SEMA6D: variants seen among roughly 807,000 people sequenced by gnomAD.
SEMA6D encodes semaphorin 6D.
In SEMA6D, 35 loss-of-function variants were observed where a neutral mutation model predicts 106.6. The ratio of observed to expected loss-of-function variants is 0.33; its 90% confidence interval spans 0.25 to 0.44. The LOEUF is 0.44. SEMA6D is among the 20% of genes least tolerant of loss of function. The pLI, the probability that SEMA6D is intolerant of heterozygous loss-of-function variation, is 1.00. For missense variants in SEMA6D, 1,185 were observed against 1,345.9 expected, an observed-to-expected ratio of 0.88 and a Z score of 1.87; for synonymous variants, 499 against 487.7, an observed-to-expected ratio of 1.02 and a Z score of -0.31.
chr15:47,206,743 A>C (rs1444542726), intron 1 of SEMA6D, among the ~76,000 whole-genome samples: 2 of 152,016 alleles, frequency 1.3e-5, no homozygotes, highest in Non-Finnish European at 2.9e-5. Context: ...CCTCAGCTCT[A>C]CAGTATGAAT....
At chr15:47,417,409 G>A (rs1403116425) in intron 2 of SEMA6D, among the ~76,000 whole-genome samples, 2 of 108,786 alleles carry the variant, frequency 1.8e-5, no homozygotes, top group African/African-American at 7.1e-5. Context: ...CTGTGTGTGT[G>A]TATATGTGTG....
At chr15:47,496,769 A>T (rs2043676261) in intron 3 of SEMA6D, among the ~76,000 whole-genome samples, 1 of 151,932 alleles carries the variant, frequency 6.6e-6, no homozygotes, top group African/African-American at 2.4e-5. Context: ...CATTCTAGTG[A>T]TGATGATTCA....
intron 1 of SEMA6D, among the ~76,000 whole-genome samples, chr15:47,300,869 A>G (rs1203877424): frequency 6.6e-6 from 1 of 152,202 alleles, no homozygotes; most frequent in Non-Finnish European, 1.5e-5. Flanking sequence ...TGCATCTTAA[A>G]TATGGTATTG....
chr15:47,743,767 G>T (rs2080956610), intron 1 of SEMA6D, among the ~76,000 whole-genome samples: 1 of 152,150 alleles, frequency 6.6e-6, no homozygotes, highest in African/African-American at 2.4e-5. Flanking sequence ...GAATGAGGGG[G>T]TGCTTTACCA....
At chr15:47,501,691 G>A (rs1297332764) in intron 3 of SEMA6D, among the ~76,000 whole-genome samples, 1 of 152,120 alleles carries the variant, frequency 6.6e-6, no homozygotes, top group African/African-American at 2.4e-5. Context: ...GTCATCCATG[G>A]CCAAGGAGCT....
chr15:47,768,859 G>GT, intron 18 of SEMA6D, 111 bp downstream of exon 18: 4 of 963,096 alleles, frequency 4.2e-6, no homozygotes, highest in Non-Finnish European at 6.1e-6. Flanking sequence ...TTCTGCGGTT[G>GT]TACCTCCACC....
chr15:47,353,010 G>A (rs1467601349), intron 1 of SEMA6D, among the ~76,000 whole-genome samples: 1 of 152,068 alleles, frequency 6.6e-6, no homozygotes, highest in African/African-American at 2.4e-5. Context: ...CACAGATGTC[G>A]TAAGAGGTAC....
chr15:47,578,635 A>T (rs1357152907), intron 3 of SEMA6D, among the ~76,000 whole-genome samples: 1 of 151,740 alleles, frequency 6.6e-6, no homozygotes. Context: ...TGAAATAATC[A>T]AAAACAGAAA....
intron 1 of SEMA6D, among the ~76,000 whole-genome samples, chr15:47,329,119 A>C (rs1358150685): frequency 6.6e-6 from 1 of 152,216 alleles, no homozygotes; most frequent in African/African-American, 2.4e-5. Flanking sequence ...ACGCAGCTGA[A>C]CAAGACAGAT....
At chr15:47,309,418 T>C (rs2036357316) in intron 1 of SEMA6D, among the ~76,000 whole-genome samples, 1 of 152,114 alleles carries the variant, frequency 6.6e-6, no homozygotes, top group South Asian at 2.1e-4. Flanking sequence ...ACTGTTGGGG[T>C]ATCACAGTGA....
intron 1 of SEMA6D, among the ~76,000 whole-genome samples, chr15:47,227,961 A>T (rs984296521): frequency 4.2e-5 from 6 of 142,784 alleles, no homozygotes; most frequent in African/African-American, 1.3e-4. Flanking sequence ...ATATGTAAGA[A>T]TCTTATATAT....
At chr15:47,465,665 CCTT>C (rs1194708303) in intron 2 of SEMA6D, among the ~76,000 whole-genome samples, 1 of 152,124 alleles carries the variant, frequency 6.6e-6, no homozygotes, top group Admixed American at 6.5e-5. Context: ...AGCACCTCCT[CCTT>C]CTCTCTCTTC....
chr15:47,511,370 A>G (rs567751072), intron 3 of SEMA6D, among the ~76,000 whole-genome samples: 2 of 152,350 alleles, frequency 1.3e-5, no homozygotes, highest in South Asian at 4.1e-4. Context: ...CTCACAAATC[A>G]TCTAACCTAA....
At chr15:47,765,446 C>A in intron 13 of SEMA6D, 2 of 997,858 alleles carry the variant, frequency 2.0e-6, no homozygotes, top group Non-Finnish European at 2.4e-6. Flanking sequence ...TATTTCCTTC[C>A]TATCTTTAAT....
intron 4 of SEMA6D, among the ~76,000 whole-genome samples, chr15:47,637,667 A>G (rs1211783176): frequency 1.3e-5 from 2 of 152,206 alleles, no homozygotes; most frequent in Admixed American, 6.5e-5. Context: ...AGTTATTTTC[A>G]GGAAGGCTTT....
chr15:47,333,188 T>A (rs1225501082), intron 1 of SEMA6D, among the ~76,000 whole-genome samples: 1 of 152,198 alleles, frequency 6.6e-6, no homozygotes, highest in Non-Finnish European at 1.5e-5. Context: ...AAATGACCTC[T>A]GTTCAAATCT....
chr15:47,663,693 G>C (rs111906269), intron 4 of SEMA6D, among the ~76,000 whole-genome samples: 1 of 152,112 alleles, frequency 6.6e-6, no homozygotes, highest in African/African-American at 2.4e-5. Flanking sequence ...AATTCGAGGC[G>C]CCTGTGAATG....
intron 3 of SEMA6D, among the ~76,000 whole-genome samples, chr15:47,552,605 C>T (rs2045738419): frequency 6.8e-6 from 1 of 146,142 alleles, no homozygotes; most frequent in African/African-American, 2.5e-5. Context: ...TGCCTGTGCA[C>T]ATGTACATAT....
In SEMA6D at chr15:47,304,350, G is replaced by A. The variant is rs142131874; in HGVS notation, c.-238-108043G>A. Among the ~76,000 whole-genome samples, 856 of 146,724 alleles carry A rather than the reference G, an allele frequency of 5.8e-3. 14 individuals are homozygous for A. Among genetic ancestry groups the A allele is most frequent in the African/African-American group, 0.021 (811 of 39,114 alleles). ...AACCCAAGCTACTCAGGAGTCTGAGGCAGAAGAATTGCTTAAACCTGGGAG... is the reference window on the plus strand; with the variant it reads ...AACCCAAGCTACTCAGGAGTCTGAGACAGAAGAATTGCTTAAACCTGGGAG... On this transcript the variant is annotated intron_variant, in intron 1 of 19. Transcript: ENST00000558014.
Sources: allele counts gnomAD v4.1 joint callset (sites outside exome capture counted in the v4.1 genomes callset), GRCh38; gene constraint gnomAD v4.1.1; transcripts MANE v1.5; gene names NCBI Gene and HGNC (gene_info 2026-07-23, HGNC 2026-07-21).